Variants in NAV3 observed in about 807,000 individuals in gnomAD.
NAV3 encodes pore membrane and/or filament interacting like protein 1.
NAV3 carries 87 observed loss-of-function variants against 244.7 expected under a neutral mutation model. The ratio of observed to expected loss-of-function variants is 0.36; its 90% confidence interval spans 0.30 to 0.42. The LOEUF (loss-of-function observed/expected upper bound fraction) is 0.42. Among genes scored for constraint, NAV3 ranks in the 20% least tolerant of loss-of-function variants. The pLI is 1.00. For synonymous variants in NAV3, 1,126 were observed against 1,042.2 expected (o/e 1.08, Z -1.55); for missense variants, 2,663 against 2,893.3 (o/e 0.92, Z 1.83).
chr12:77,795,830 A>G (rs2135956028), intron 2 of NAV3, among the ~76,000 whole-genome samples: 1 of 152,328 alleles, frequency 6.6e-6, no homozygotes, highest in African/African-American at 2.4e-5. Flanking sequence ...TAGAACAACA[A>G]AGCCTGGATG....
chr12:77,625,896 T>C (rs1191854706), intron 2 of NAV3, among the ~76,000 whole-genome samples: 1 of 151,964 alleles, frequency 6.6e-6, no homozygotes, highest in Non-Finnish European at 1.5e-5. Flanking sequence ...GAAAAAGCAG[T>C]GAAACATGAG....
At chr12:77,772,547 G>A (rs554147053) in intron 2 of NAV3, among the ~76,000 whole-genome samples, 1 of 152,248 alleles carries the variant, frequency 6.6e-6, no homozygotes, top group East Asian at 1.9e-4. Flanking sequence ...AGCAAAACTA[G>A]CAAGGAGATG....
chr12:77,834,163 G>C (rs1215443937), intron 1 of NAV3, among the ~76,000 whole-genome samples: 2 of 152,146 alleles, frequency 1.3e-5, no homozygotes, highest in Admixed American at 6.5e-5. Flanking sequence ...ATAAATGCCT[G>C]TCCTCACTAG....
chr12:77,705,638 G>T (rs990521049), intron 2 of NAV3, among the ~76,000 whole-genome samples: 5 of 151,394 alleles, frequency 3.3e-5, no homozygotes, highest in Non-Finnish European at 5.9e-5. Flanking sequence ...GCTCTAGCCA[G>T]ATGTGGCATA....
rs114302002 is a variant in NAV3 at position 78,153,487 on chromosome 12, G to A, written c.4785+4568G>A. On this transcript the variant is annotated intron_variant, in intron 22 of 39. Coordinates refer to ENST00000397909, the MANE Select transcript of NAV3 (RefSeq NM_001024383.2). Reference sequence around the variant, plus strand: ...CAAACAGAAAACAGAAGCCGCACAAGGAAAGGCAGAACTAAATAAATGGTA... The same window carrying A: ...CAAACAGAAAACAGAAGCCGCACAAAGAAAGGCAGAACTAAATAAATGGTA... 4.0e-3 allele frequency among the ~76,000 whole-genome samples: 601 copies of A among 152,148 alleles called. 6 individuals carry two copies. Among genetic ancestry groups the A allele is most frequent in the African/African-American group, 0.014 (579 of 41,554 alleles).
At chr12:77,620,739 G>A (rs1163214610) in intron 2 of NAV3, among the ~76,000 whole-genome samples, 2 of 152,140 alleles carry the variant, frequency 1.3e-5, no homozygotes, top group East Asian at 1.9e-4. Context: ...TGGGATTGCA[G>A]GCATGAGCCA....
chr12:77,590,099 G>T (rs1413669635), intron 2 of NAV3, among the ~76,000 whole-genome samples: 1 of 152,152 alleles, frequency 6.6e-6, no homozygotes, highest in Non-Finnish European at 1.5e-5. Context: ...CTAAAAGGAA[G>T]AAAAAGTTGT....
intron 2 of NAV3, among the ~76,000 whole-genome samples, chr12:77,690,956 A>T (rs1262454142): frequency 6.6e-6 from 1 of 150,814 alleles, no homozygotes; most frequent in Non-Finnish European, 1.5e-5. Flanking sequence ...TTAGCAATAA[A>T]TTGTGCTCTT....
At chr12:77,691,329 G>GTGTA (rs1555195177) in intron 2 of NAV3, among the ~76,000 whole-genome samples, 6 of 66,690 alleles carry the variant, frequency 9.0e-5, no homozygotes, top group African/African-American at 3.2e-4. Context: ...AAGTATTTGT[G>GTGTA]TATGTGTGTA....
At chr12:77,995,780 C>G (rs988742121) in intron 6 of NAV3, among the ~76,000 whole-genome samples, 2 of 152,062 alleles carry the variant, frequency 1.3e-5, no homozygotes, top group African/African-American at 2.4e-5. Flanking sequence ...TAATTAAAAA[C>G]TAGAATAAAT....
intron 22 of NAV3, among the ~76,000 whole-genome samples, chr12:78,155,014 A>G (rs1403065143): frequency 1.3e-5 from 2 of 151,788 alleles, no homozygotes; most frequent in Non-Finnish European, 2.9e-5. Context: ...TTAAGACAAT[A>G]TTTTTTTTCT....
At chr12:77,725,464 G>C (rs1459925136) in intron 2 of NAV3, among the ~76,000 whole-genome samples, 1 of 145,594 alleles carries the variant, frequency 6.9e-6, no homozygotes, top group Non-Finnish European at 1.5e-5. Flanking sequence ...ACATGCCTTT[G>C]CAAGTTAGAT....
chr12:78,179,088 T>C (rs1229037598), intron 28 of NAV3, among the ~76,000 whole-genome samples: 1 of 152,142 alleles, frequency 6.6e-6, no homozygotes, highest in African/African-American at 2.4e-5. Context: ...GCAAAGCTTT[T>C]TTTTTGCACA....
chr12:77,998,240 A>G, intron 6 of NAV3, 97 bp from the exon 7 acceptor site: 2 of 846,356 alleles, frequency 2.4e-6, no homozygotes, highest in Non-Finnish European at 3.4e-6. Context: ...TAGATTTTAG[A>G]ACATCATATG....
intron 9 of NAV3, among the ~76,000 whole-genome samples, chr12:78,026,577 G>A (rs758025476): frequency 1.3e-5 from 2 of 151,934 alleles, no homozygotes; most frequent in Non-Finnish European, 2.9e-5. Context: ...AACTTTTTAG[G>A]ATATTTCTCA....
intron 12 of NAV3, among the ~76,000 whole-genome samples, chr12:78,105,906 T>A (rs1201667331): frequency 6.6e-6 from 1 of 151,590 alleles, no homozygotes; most frequent in African/African-American, 2.4e-5. Context: ...TTTATGATAT[T>A]CAAAATTTCT....
intron 23 of NAV3, among the ~76,000 whole-genome samples, chr12:78,167,807 A>C (rs977621362): frequency 6.6e-6 from 1 of 151,618 alleles, no homozygotes; most frequent in Non-Finnish European, 1.5e-5. Context: ...CCAAGAAGAT[A>C]CCCCTTGTCA....
intron 3 of NAV3, among the ~76,000 whole-genome samples, chr12:77,946,451 C>T (rs963456071): frequency 6.6e-6 from 1 of 151,924 alleles, no homozygotes; most frequent in East Asian, 1.9e-4. Flanking sequence ...TATTGTGGTT[C>T]ATATTTATCT....
In NAV3 at chr12:77,889,857, C is replaced by T. The variant is rs1883728050; in HGVS notation, c.244-50462C>T. ...GTCCAATGGTTATGATGTTCTTATG[C>T]ATCTGGTATATTTTTCAGGGTATAC... On this transcript the variant is annotated intron_variant, in intron 1 of 39. Transcript: ENST00000397909. 8.5e-5 allele frequency among the ~76,000 whole-genome samples: 13 copies of T among 152,262 alleles called. No homozygotes were observed. The South Asian group carries it at 2.5e-3, about 29-fold the overall frequency.
Sources: allele counts gnomAD v4.1 joint callset (sites outside exome capture counted in the v4.1 genomes callset), GRCh38; gene constraint gnomAD v4.1.1; transcripts MANE v1.5; gene names NCBI Gene and HGNC (gene_info 2026-07-23, HGNC 2026-07-21).